Variants in DNAH14 observed in about 807,000 individuals in gnomAD.
DNAH14 encodes dynein axonemal heavy chain 14, also known as axonemal beta dynein heavy chain 14.
Under a neutral mutation model 520.9 loss-of-function variants are expected in DNAH14, and 478 were observed. The observed-to-expected ratio is 0.92, with a 90% confidence interval of 0.85 to 0.99. The LOEUF (loss-of-function observed/expected upper bound fraction) is 0.99. Among genes scored for constraint, DNAH14 ranks in the 50% least tolerant of loss-of-function variants. DNAH14 has a pLI of 0.00. For missense variants in DNAH14, 4,831 were observed against 5,234.5 expected, an observed-to-expected ratio of 0.92 and a Z score of 2.38; for synonymous variants, 1,581 against 1,757.2, an observed-to-expected ratio of 0.90 and a Z score of 2.51.
chr1:225,154,540 A>G (rs1388092827), intron 34 of DNAH14, among the ~76,000 whole-genome samples: 6 of 152,114 alleles, frequency 3.9e-5, no homozygotes, highest in Non-Finnish European at 2.9e-5. Flanking sequence ...GGAACAGTAT[A>G]GAAAATAGAA....
intron 33 of DNAH14, 67 bp downstream of exon 33, chr1:225,152,950 T>C: frequency 2.7e-6 from 4 of 1,482,118 alleles, no homozygotes; most frequent in Non-Finnish European, 3.6e-6. Context: ...GTAATACTTT[T>C]CTGGATTGGT....
At chr1:225,385,703 C>T (rs1332928995) in intron 81 of DNAH14, among the ~76,000 whole-genome samples, 1 of 152,156 alleles carries the variant, frequency 6.6e-6, no homozygotes, top group South Asian at 2.1e-4. Flanking sequence ...AGGAGAACTA[C>T]AAACCACTGC....
intron 11 of DNAH14, among the ~76,000 whole-genome samples, chr1:225,037,827 C>T (rs1427201213): frequency 6.6e-6 from 1 of 152,092 alleles, no homozygotes; most frequent in East Asian, 1.9e-4. Flanking sequence ...AGATTACAGG[C>T]GTGTGCCACC....
chr1:225,172,310 A>T (rs1381437521), intron 36 of DNAH14, among the ~76,000 whole-genome samples: 1 of 152,230 alleles, frequency 6.6e-6, no homozygotes, highest in Non-Finnish European at 1.5e-5. Context: ...TTAGGAAAAG[A>T]GGAAGTCAAA....
intron 47 of DNAH14, 126 bp downstream of exon 47, chr1:225,264,387 C>T: frequency 7.0e-6 from 6 of 857,368 alleles, no homozygotes; most frequent in East Asian, 2.7e-5. Flanking sequence ...TATAAAAAGT[C>T]TCAAAAACTA....
At chr1:225,088,204 A>T (rs1229811719) in intron 21 of DNAH14, among the ~76,000 whole-genome samples, 1 of 152,240 alleles carries the variant, frequency 6.6e-6, no homozygotes, top group African/African-American at 2.4e-5. Context: ...AGAACTCATG[A>T]TGAAAACTTA....
rs1480093235 is a variant in DNAH14 at position 225,377,418 on chromosome 1, C to T, written c.12698C>T (p.Thr4233Ile). 2.6e-6 allele frequency: 4 copies of T among 1,550,082 alleles called. No individual in the cohort carries two copies. The highest frequency in any genetic ancestry group is 3.5e-6 in the Non-Finnish European group (4 of 1,146,318). The change falls in exon 79 of 86, where the codon ACT becomes ATT. Residue 4233 changes from threonine to isoleucine, a missense_variant. By Grantham distance (89) the Thr-to-Ile change is moderately conservative. Transcript: ENST00000682510. ...ATTGCCATGCAACCAAAAACTACCACTGCCAACCTCATGATCAGGTAAGAA... is the reference window on the plus strand; with the variant it reads ...ATTGCCATGCAACCAAAAACTACCATTGCCAACCTCATGATCAGGTAAGAA... ...NLIAMQPKTT[T>I]ANLMIRPEQS...
chr1:224,997,221 G>A lies in DNAH14; in HGVS notation c.831-5562G>A, dbSNP rs115013875. On this transcript the variant is annotated intron_variant, in intron 8 of 85. Transcript: ENST00000682510. ...TGGTCTAGCCATGCTGTTACCCTCT[G>A]TGTTCCTTATGAAGTGAGACTGGAG... Among the ~76,000 whole-genome samples the A allele has an allele frequency of 2.7e-3, 413 of 152,200 alleles. No individual in the cohort carries two copies. In the Middle Eastern group the frequency reaches 0.027, roughly 10 times the overall value.
chr1:224,942,344 G>A (rs1415552710), intron 1 of DNAH14, among the ~76,000 whole-genome samples: 8 of 152,126 alleles, frequency 5.3e-5, no homozygotes, highest in South Asian at 2.1e-4. Flanking sequence ...TGATTTTTGT[G>A]CATTGATTTT....
At chr1:225,287,053 A>C (rs1430442101) in intron 54 of DNAH14, among the ~76,000 whole-genome samples, 6 of 152,186 alleles carry the variant, frequency 3.9e-5, no homozygotes, top group Admixed American at 1.3e-4. Flanking sequence ...TGGTAAAAAT[A>C]TTTGTTGTCT....
intron 1 of DNAH14, among the ~76,000 whole-genome samples, chr1:224,934,994 C>G (rs950205278): frequency 3.3e-5 from 5 of 151,562 alleles, no homozygotes; most frequent in African/African-American, 1.2e-4. Flanking sequence ...AAATTGGTCC[C>G]CTAAGAAGTG....
At chr1:225,382,507 A>G (rs2095795018) in intron 81 of DNAH14, among the ~76,000 whole-genome samples, 1 of 152,060 alleles carries the variant, frequency 6.6e-6, no homozygotes, top group African/African-American at 2.4e-5. Context: ...GGAGTTTGAG[A>G]CCAGCCTGGC....
chr1:224,996,386 C>T (rs2063396879), intron 8 of DNAH14, among the ~76,000 whole-genome samples: 4 of 152,036 alleles, frequency 2.6e-5, no homozygotes, highest in African/African-American at 4.8e-5. Context: ...GTCTTGAACT[C>T]CTGGGCTCAA....
At chr1:225,007,927 C>CTTTTTTTTT (rs71170042) in intron 10 of DNAH14, among the ~76,000 whole-genome samples, 1 of 144,320 alleles carries the variant, frequency 6.9e-6, no homozygotes. Flanking sequence ...TTTCTTTTTT[C>CTTTTTTTTT]TTTTTTTTTT....
intron 41 of DNAH14, 117 bp downstream of exon 41, chr1:225,207,337 G>A (rs928274882): frequency 1.2e-5 from 13 of 1,075,700 alleles, no homozygotes; most frequent in South Asian, 2.1e-5. Flanking sequence ...TAGTCTATTT[G>A]GACCAACAGC....
At position 225,097,163 on chromosome 1, in the gene DNAH14, A is replaced by C. The variant is rs1335634886; in HGVS notation, c.3619A>C (p.Thr1207Pro). The C allele has an allele frequency of 1.9e-6, 3 of 1,550,304 alleles. No individual in the cohort carries two copies. Among genetic ancestry groups the C allele is most frequent in the Non-Finnish European group, 8.7e-7 (1 of 1,146,332 alleles). The change falls in exon 22 of 86, where the codon ACC becomes CCC. Residue 1207 changes from threonine (T) to proline (P), a missense_variant. Coordinates refer to ENST00000682510, the MANE Select transcript of DNAH14 (RefSeq NM_001367479.1). ...TCAAAACTTGACTCTCTTCTCTTACACCCTTGAGGAATGGATGAATTGTCA... is the reference window on the plus strand; with the variant it reads ...TCAAAACTTGACTCTCTTCTCTTACCCCCTTGAGGAATGGATGAATTGTCA... ...WDQNLTLFSY[T>P]LEEWMNCQRN...
At chr1:225,175,995 C>T (rs1228727176) in intron 36 of DNAH14, among the ~76,000 whole-genome samples, 1 of 152,044 alleles carries the variant, frequency 6.6e-6, no homozygotes, top group East Asian at 1.9e-4. Context: ...ACCTCGTGAT[C>T]CACCCACCTC....
chr1:225,262,386 C>A (rs1315680724), intron 46 of DNAH14, among the ~76,000 whole-genome samples: 1 of 151,928 alleles, frequency 6.6e-6, no homozygotes, highest in Non-Finnish European at 1.5e-5. Context: ...GTTGCATTTG[C>A]CTTTGGTGTC....
chr1:225,027,774 T>C (rs2066234989), intron 11 of DNAH14, among the ~76,000 whole-genome samples: 1 of 152,110 alleles, frequency 6.6e-6, no homozygotes, highest in South Asian at 2.1e-4. Flanking sequence ...CAATTCGGCA[T>C]GAGATTTGGT....
Sources: gnomAD v4.1 joint callset for allele counts (sites outside exome capture counted in the v4.1 genomes callset) on GRCh38, gnomAD v4.1.1 for gene constraint, MANE v1.5 for transcripts, NCBI Gene and HGNC (gene_info 2026-07-23, HGNC 2026-07-21) for gene names.